Variants in CEP295 observed in about 807,000 individuals in gnomAD.
The protein encoded by CEP295 is centrosomal protein of 295 kDa.
In CEP295, 190 loss-of-function variants were observed where a neutral mutation model predicts 291.6. The observed-to-expected ratio is 0.65, with a 90% CI of 0.58 to 0.73. The LOEUF (loss-of-function observed/expected upper bound fraction) is 0.73. Ranked by LOEUF, CEP295 falls within the 30% of genes least tolerant of loss-of-function variation. The pLI is 0.00. For synonymous variants in CEP295, 993 were observed against 1,038.8 expected, an observed-to-expected ratio of 0.96 and a Z score of 0.85; for missense variants, 2,863 against 2,949.4, an observed-to-expected ratio of 0.97 and a Z score of 0.68.
intron 10 of CEP295, 142 bp from the exon 11 acceptor site, chr11:93,691,541 A>G (rs1477775818): frequency 8.4e-6 from 5 of 594,092 alleles, no homozygotes; most frequent in South Asian, 4.4e-5. Context: ...ATATCTGATC[A>G]TCAGGAAGGT....
In CEP295 at chr11:93,698,722, CT is replaced by C; in HGVS notation, c.3813del (p.His1272IlefsTer32). ...QAWLDTEKEA[F>X]HFSQKTQENT... ...CATGGCTAGACACTGAGAAAGAAGC[CT>C]TTCATTTCAGCCAGAAAACCCAAGA... On this transcript the variant is annotated frameshift_variant, in exon 15 of 30. Coordinates refer to ENST00000325212, the MANE Select transcript of CEP295 (RefSeq NM_033395.2). LOFTEE classifies it high-confidence loss of function. The C allele has an allele frequency of 2.6e-6, 4 of 1,551,558 alleles. No homozygotes were observed. The highest frequency in any genetic ancestry group is 3.5e-6 in the Non-Finnish European group (4 of 1,147,032).
At chr11:93,728,660 C>T in intron 24 of CEP295, 21 bp from the exon 25 acceptor site, 2 of 1,511,128 alleles carry the variant, frequency 1.3e-6, no homozygotes, top group Admixed American at 2.5e-5. Flanking sequence ...ACATGGTTTT[C>T]CTTTTAATTG....
In CEP295 at chr11:93,722,067, GT is replaced by G; in HGVS notation, c.5947+20del. 6.9e-7 allele frequency: 1 copy of G among 1,452,878 alleles called. No individual in the cohort carries two copies. Among genetic ancestry groups the G allele is most frequent in the Non-Finnish European group, 9.5e-7 (1 of 1,057,784 alleles). 90.0% of individuals were successfully genotyped at this position (1,452,878 alleles called of 1,614,324 possible). A position where few individuals can be genotyped will look rare whatever the true frequency, so the allele number is the denominator to read the frequency against. On this transcript the variant is annotated intron_variant, in intron 20 of 29. Coordinates refer to ENST00000325212, the MANE Select transcript of CEP295 (RefSeq NM_033395.2). ...CAGATCCAGGTAATAAGGTCAAAAT[GT>G]TTATAAATAAGTTGAAAGACCGGCA... is the stretch of plus-strand genomic sequence containing the variant.
intron 18 of CEP295, among the ~76,000 whole-genome samples, chr11:93,717,874 C>A (rs1236090911): frequency 3.9e-5 from 6 of 152,114 alleles, no homozygotes; most frequent in Non-Finnish European, 7.4e-5. Flanking sequence ...CGGCTTTTCT[C>A]TTTCTCAGAA....
chr11:93,715,661 C>T (rs1953193320), intron 18 of CEP295, among the ~76,000 whole-genome samples: 1 of 152,018 alleles, frequency 6.6e-6, no homozygotes. Context: ...TACTTGGCTA[C>T]CACTGCTAGG....
At position 93,727,047 on chromosome 11, in the gene CEP295, C is replaced by T; in HGVS notation, c.6571C>T (p.Pro2191Ser). The change falls in exon 24 of 30, where the codon CCA (proline) becomes TCA (serine). Residue 2191 changes from proline (P) to serine (S), a missense_variant. Around this residue, in one of 3 missense-constraint regions of CEP295, gnomAD observed 2,295 missense variants for 2,335.7 expected, o/e 0.98. Transcript: ENST00000325212. ...SQEESQHADL[P>S]SIFSIEARDS... ...GGAGGAGAGCCAGCATGCTGATCTA[C>T]CAAGTATTTTTAGCATTGAAGCAAG... 1 of 1,551,670 alleles carries T rather than the reference C, an allele frequency of 6.4e-7. No homozygotes were observed. The highest frequency in any genetic ancestry group is 8.7e-7 in the Non-Finnish European group (1 of 1,146,806).
At chr11:93,704,008 A>T (rs538697366) in intron 17 of CEP295, among the ~76,000 whole-genome samples, 68 of 152,014 alleles carry the variant, frequency 4.5e-4, no homozygotes, top group African/African-American at 1.6e-3. Flanking sequence ...TGACCTTGTG[A>T]TCCGCCCGCC....
intron 5 of CEP295, among the ~76,000 whole-genome samples, chr11:93,674,882 C>T (rs1047309473): frequency 1.2e-4 from 18 of 152,248 alleles, no homozygotes; most frequent in African/African-American, 3.6e-4. Context: ...TTCTCGTTGT[C>T]GTTCACAGTG....
intron 7 of CEP295, among the ~76,000 whole-genome samples, chr11:93,681,101 A>G (rs545033548): frequency 6.0e-4 from 91 of 152,356 alleles, no homozygotes; most frequent in Non-Finnish European, 1.1e-3. Flanking sequence ...AGATTCTTCC[A>G]TAAAAGCAGT....
Position 93,714,217 on chromosome 11 carries a change from T to A in CEP295, c.5750-7095T>A, listed in dbSNP as rs190307896. 8.5e-5 allele frequency among the ~76,000 whole-genome samples: 13 copies of A among 152,222 alleles called. No homozygotes were observed. In the East Asian group the frequency reaches 2.5e-3, roughly 30 times the overall value. On this transcript the variant is annotated intron_variant, in intron 18 of 29. Transcript: ENST00000325212. ...TGTATGGTCTTGATGTTTGTGGATG[T>A]TCATTGGTACCAGGGCATTAAAGAG... is the stretch of plus-strand genomic sequence containing the variant.
chr11:93,698,877 A>C lies in CEP295; in HGVS notation c.3965A>C (p.Lys1322Thr), dbSNP rs1224055516. 1.9e-6 allele frequency: 3 copies of C among 1,551,574 alleles called. No homozygotes were observed. In the Admixed American group the frequency reaches 5.9e-5, roughly 30 times the overall value. The part of the protein sequence containing the change: ...LEPLFTESES[K>T]IFSSHLQIPQ... ...CCTCTTTTTACAGAGAGTGAAAGTA[A>C]AATTTTTTCAAGCCACCTTCAGATC... The change falls in exon 15 of 30, where the codon AAA (lysine) becomes ACA (threonine). Residue 1322 changes from lysine to threonine, a missense_variant. By Grantham distance (78) the Lys-to-Thr change is moderately conservative. This residue lies in a region of CEP295 where 2,295 missense variants were observed against 2,335.7 expected (regional missense o/e 0.98). Transcript: ENST00000325212.
In CEP295 at chr11:93,728,626, T is replaced by C. The variant is rs1591178952; in HGVS notation, c.7162-55T>C. The C allele has an allele frequency of 2.2e-5, 32 of 1,459,592 alleles. No homozygotes were observed. The East Asian group carries it at 7.7e-4, about 35-fold the overall frequency. 90.4% of individuals were successfully genotyped at this position (1,459,592 alleles called of 1,614,324 possible). A position where few individuals can be genotyped will look rare whatever the true frequency, so the allele number is the denominator to read the frequency against. ...TGTGCATTATATACAAAACGATTAGTTTAAGTCTTTTAAGGCTATTTTGAC... is the reference window on the plus strand; with the variant it reads ...TGTGCATTATATACAAAACGATTAGCTTAAGTCTTTTAAGGCTATTTTGAC... On this transcript the variant is annotated intron_variant, in intron 24 of 29. Coordinates refer to ENST00000325212, the MANE Select transcript of CEP295 (RefSeq NM_033395.2).
rs1217093012 is a variant in CEP295 at position 93,727,464 on chromosome 11, A to T, written c.6988A>T (p.Met2330Leu). ...DSRLCVRTVE[M>L]GTSIQAPYSL... Reference sequence around the variant, plus strand: ...TCGATTATGTGTAAGAACAGTGGAGATGGGAACTTCAATTCAGGCACCATA... The same window carrying T: ...TCGATTATGTGTAAGAACAGTGGAGTTGGGAACTTCAATTCAGGCACCATA... The change falls in exon 24 of 30, where the codon ATG (methionine) becomes TTG (leucine). Residue 2330 changes from methionine (M) to leucine (L), a missense_variant. By Grantham distance (15) the Met-to-Leu change is conservative (BLOSUM62 2). Transcript: ENST00000325212. The T allele has an allele frequency of 3.9e-6, 6 of 1,552,028 alleles. No individual in the cohort carries two copies. Among genetic ancestry groups the T allele is most frequent in the Non-Finnish European group, 8.7e-7 (1 of 1,147,040 alleles).
In CEP295 at chr11:93,687,751, G is replaced by A; in HGVS notation, c.1222G>A (p.Glu408Lys). Residue 408 changes from glutamate to lysine, a missense_variant, in exon 10 of 30, where the codon GAG becomes AAG. Coordinates refer to ENST00000325212, the MANE Select transcript of CEP295 (RefSeq NM_033395.2). ...KSLWTIKSMS[E>K]DESEMITTVS... Reference sequence around the variant, plus strand: ...TCTCTGGACAATTAAATCTATGTCTGAGGATGAAAGTGAAATGATTACGAC... The same window carrying A: ...TCTCTGGACAATTAAATCTATGTCTAAGGATGAAAGTGAAATGATTACGAC... 6 of 1,550,778 alleles carry A rather than the reference G, an allele frequency of 3.9e-6. No homozygotes were observed. Among genetic ancestry groups the A allele is most frequent in the Non-Finnish European group, 5.2e-6 (6 of 1,146,288 alleles).
intron 12 of CEP295, among the ~76,000 whole-genome samples, chr11:93,694,990 C>T (rs1428400604): frequency 6.6e-6 from 1 of 152,172 alleles, no homozygotes; most frequent in African/African-American, 2.4e-5. Context: ...TGTTATCTTT[C>T]TGCCATTTTC....
rs1235929262 is a variant in CEP295 at position 93,700,567 on chromosome 11, A to G, written c.5274+381A>G. Among the ~76,000 whole-genome samples, 9 of 151,660 alleles carry G rather than the reference A, an allele frequency of 5.9e-5. No individual in the cohort carries two copies. In the East Asian group the frequency reaches 1.7e-3, roughly 29 times the overall value. ...CAGTCTCCCAAGTAGCTGGGATTAC[A>G]GACATGTACCACCATGCCTGGCTAA... On this transcript the variant is annotated intron_variant, in intron 15 of 29. Coordinates refer to ENST00000325212, the MANE Select transcript of CEP295 (RefSeq NM_033395.2).
At chr11:93,693,437 G>A (rs574952235) in intron 12 of CEP295, among the ~76,000 whole-genome samples, 1 of 152,156 alleles carries the variant, frequency 6.6e-6, no homozygotes, top group South Asian at 2.1e-4. Flanking sequence ...GAATAATTCC[G>A]TGAGCCAGTA....
chr11:93,679,674 C>A, intron 7 of CEP295, 122 bp downstream of exon 7: 1 of 712,732 alleles, frequency 1.4e-6, no homozygotes. Context: ...GTCTCTGATT[C>A]ATATGATTTC....
At position 93,680,005 on chromosome 11, in the gene CEP295, G is replaced by A. The variant is rs186090541; in HGVS notation, c.765+453G>A. Among the ~76,000 whole-genome samples the A allele has an allele frequency of 3.5e-3, 536 of 152,336 alleles. 4 individuals carry two copies. The highest frequency in any genetic ancestry group is 0.012 in the African/African-American group (515 of 41,584). Reference sequence around the variant, plus strand: ...AAGTGACAGTCAATAGGCCAGGCATGGTGGCTCATGCCTGTAATCCCAGCA... The same window carrying A: ...AAGTGACAGTCAATAGGCCAGGCATAGTGGCTCATGCCTGTAATCCCAGCA... On this transcript the variant is annotated intron_variant, in intron 7 of 29. Transcript: ENST00000325212.
Sources: gnomAD v4.1 joint callset for allele counts (sites outside exome capture counted in the v4.1 genomes callset) on GRCh38, gnomAD v4.1.1 for gene constraint, gnomAD v4.1.1 regional missense constraint, MANE v1.5 for transcripts, NCBI Gene and HGNC (gene_info 2026-07-23, HGNC 2026-07-21) for gene names.